NAV2: variants seen among roughly 807,000 people sequenced by gnomAD.
NAV2 encodes the protein neuron navigator 2, also known as helicase, APC down-regulated 1.
A neutral mutation model predicts 223.2 loss-of-function variants in NAV2; 54 were observed. The observed-to-expected ratio is 0.24, with a 90% CI of 0.19 to 0.30. The LOEUF is 0.30. NAV2 is among the 10% of genes least tolerant of loss of function. The probability of loss-of-function intolerance (pLI) is 1.00; values close to 1 mark genes in which losing one functional copy is unlikely to be tolerated. For missense variants in NAV2, 2,806 were observed against 3,147.5 expected (o/e 0.89, Z 2.60); for synonymous variants, 1,279 against 1,239.3 (o/e 1.03, Z -0.67).
chr11:19,412,286 A>G (rs2133403702), intron 1 of NAV2, among the ~76,000 whole-genome samples: 1 of 152,322 alleles, frequency 6.6e-6, no homozygotes, highest in Non-Finnish European at 1.5e-5. Flanking sequence ...TTTTCCCCTC[A>G]CAGTGTAAAT....
At chr11:19,448,888 A>G (rs1851685968) in intron 1 of NAV2, among the ~76,000 whole-genome samples, 1 of 152,220 alleles carries the variant, frequency 6.6e-6, no homozygotes, top group South Asian at 2.1e-4. Context: ...GAGAGCCAGA[A>G]AGTCAATGTG....
chr11:20,032,118 T>C (rs1439042148), intron 11 of NAV2, among the ~76,000 whole-genome samples: 2 of 152,216 alleles, frequency 1.3e-5, no homozygotes, highest in Non-Finnish European at 2.9e-5. Flanking sequence ...AAAGGAGACA[T>C]GGCTGGTTTT....
chr11:19,786,526 C>T (rs918894721), intron 1 of NAV2, among the ~76,000 whole-genome samples: 3 of 152,194 alleles, frequency 2.0e-5, no homozygotes, highest in Admixed American at 2.0e-4. Context: ...AGATTGCATA[C>T]AGCTTCATTT....
At chr11:19,766,117 T>A (rs527896046) in intron 1 of NAV2, among the ~76,000 whole-genome samples, 101 of 152,010 alleles carry the variant, frequency 6.6e-4, no homozygotes, top group East Asian at 6.4e-3. Context: ...GACAATTTTT[T>A]AATTATATAA....
At chr11:19,901,462 G>A (rs140062259) in intron 6 of NAV2, among the ~76,000 whole-genome samples, 1,639 of 152,238 alleles carry the variant, frequency 0.011, 13 homozygotes, top group Non-Finnish European at 0.019. Flanking sequence ...CAGGAGAATC[G>A]CTTGAACCTG....
At chr11:19,486,951 T>C (rs1302632979) in intron 1 of NAV2, among the ~76,000 whole-genome samples, 2 of 152,170 alleles carry the variant, frequency 1.3e-5, no homozygotes, top group African/African-American at 4.8e-5. Flanking sequence ...CTAGGGAAAG[T>C]TGCAACCAAG....
intron 1 of NAV2, among the ~76,000 whole-genome samples, chr11:19,586,904 C>A (rs971428678): frequency 6.6e-6 from 1 of 152,230 alleles, no homozygotes; most frequent in Non-Finnish European, 1.5e-5. Context: ...CTCTTCAAAG[C>A]TGTCAGTCGG....
intron 1 of NAV2, among the ~76,000 whole-genome samples, chr11:19,809,163 G>A (rs781014125): frequency 1.6e-4 from 24 of 152,202 alleles, no homozygotes; most frequent in Non-Finnish European, 2.4e-4. Context: ...TTACTAATGA[G>A]TATTCTAGGA....
intron 1 of NAV2, among the ~76,000 whole-genome samples, chr11:19,489,066 C>T (rs1037318061): frequency 1.3e-5 from 2 of 152,206 alleles, no homozygotes; most frequent in African/African-American, 2.4e-5. Flanking sequence ...CTCAGCATCT[C>T]TTCTACTGTC....
chr11:19,840,994 A>G (rs1034799436), intron 2 of NAV2, among the ~76,000 whole-genome samples: 2 of 152,208 alleles, frequency 1.3e-5, no homozygotes, highest in African/African-American at 4.8e-5. Flanking sequence ...AAGAACAAAC[A>G]TCTATGAGTT....
chr11:19,717,197 C>T (rs1036242841), intron 1 of NAV2, among the ~76,000 whole-genome samples: 15 of 152,346 alleles, frequency 9.8e-5, no homozygotes, highest in East Asian at 9.6e-4. Context: ...TTGAGGCCTG[C>T]GGTCTTCCCA....
chr11:19,573,474 G>A (rs150316724), intron 1 of NAV2, among the ~76,000 whole-genome samples: 159 of 152,284 alleles, frequency 1.0e-3, no homozygotes, highest in African/African-American at 3.7e-3. Context: ...TGGCATGCGT[G>A]AGTATATAGG....
intron 1 of NAV2, among the ~76,000 whole-genome samples, chr11:19,589,729 A>G (rs1268210577): frequency 1.3e-5 from 2 of 152,202 alleles, no homozygotes; most frequent in East Asian, 3.9e-4. Context: ...CTAGAAGCCG[A>G]TCAGCCATCA....
chr11:19,979,260 C>T lies in NAV2; in HGVS notation c.2646-4865C>T, dbSNP rs1217727110. On this transcript the variant is annotated intron_variant, in intron 10 of 37. Coordinates refer to ENST00000349880, the MANE Select transcript of NAV2 (RefSeq NM_145117.5). ...ATTGAATACAGAATGTTGGAAGAAT[C>T]GAAAAGTCGACGTTCTCTTTGAAAC... 4.6e-5 allele frequency: 7 copies of T among 152,164 alleles called. No individual in the cohort carries two copies. In the East Asian group the frequency reaches 5.8e-4, roughly 13 times the overall value. 9.4% of individuals were successfully genotyped at this position (152,164 alleles called of 1,614,324 possible). A position where few individuals can be genotyped will look rare whatever the true frequency, so the allele number is the denominator to read the frequency against.
At chr11:19,892,006 T>G (rs144974322) in intron 5 of NAV2, among the ~76,000 whole-genome samples, 138 of 152,314 alleles carry the variant, frequency 9.1e-4, no homozygotes, top group African/African-American at 3.0e-3. Flanking sequence ...TCACCCAGGC[T>G]GGAGTGCAAT....
intron 1 of NAV2, among the ~76,000 whole-genome samples, chr11:19,472,283 C>T (rs1252806146): frequency 6.6e-6 from 1 of 152,106 alleles, no homozygotes; most frequent in East Asian, 1.9e-4. Flanking sequence ...TGGTTTAGGT[C>T]CTGGCTTCAA....
At chr11:19,761,174 C>A (rs1362902259) in intron 1 of NAV2, among the ~76,000 whole-genome samples, 1 of 152,060 alleles carries the variant, frequency 6.6e-6, no homozygotes, top group Non-Finnish European at 1.5e-5. Context: ...AAAGAGAGGG[C>A]AGTCTGGAGG....
rs756079268 is a variant in NAV2 at position 19,713,846 on chromosome 11, A to G, written c.151A>G (p.Thr51Ala). ...AAGCAAGGTGGAGGTGAGCAAGACC[A>G]CCTATCCTAGCCAGATCCCCCTGAA... is the stretch of plus-strand genomic sequence containing the variant. ...LGSKVEVSKT[T>A]YPSQIPLKSQ... The change falls in exon 1 of 38, where the codon ACC (threonine) becomes GCC (alanine). Residue 51 changes from threonine (T) to alanine (A), a missense_variant. Physicochemically the swap from Thr to Ala is moderately conservative, Grantham distance 58. Transcript: ENST00000349880. The surrounding 1 kb of genome is among the most constrained non-coding windows in gnomAD (Gnocchi z 7.2). The G allele has an allele frequency of 1.2e-6, 2 of 1,613,430 alleles. No homozygotes were observed. The highest frequency in any genetic ancestry group is 1.7e-4 in the Middle Eastern group (1 of 6,060).
chr11:19,463,500 G>A (rs1852237973), intron 1 of NAV2, among the ~76,000 whole-genome samples: 1 of 152,246 alleles, frequency 6.6e-6, no homozygotes, highest in Non-Finnish European at 1.5e-5. Flanking sequence ...CAGATGGAGT[G>A]AGCACAGACT....
Sources: gnomAD v4.1 joint callset for allele counts (sites outside exome capture counted in the v4.1 genomes callset) on GRCh38, gnomAD v4.1.1 for gene constraint, Gnocchi (gnomAD v3.1) non-coding constraint, MANE v1.5 for transcripts, NCBI Gene and HGNC (gene_info 2026-07-23, HGNC 2026-07-21) for gene names.